Variants in FMN1 observed in about 807,000 individuals in gnomAD.
The protein encoded by FMN1 is formin 1.
A neutral mutation model predicts 132.4 loss-of-function variants in FMN1; 110 were observed. The observed-to-expected ratio is 0.83, with a 90% CI of 0.71 to 0.97. The LOEUF (loss-of-function observed/expected upper bound fraction) is 0.97, where lower values mean the gene tolerates loss of function less well. Among genes scored for constraint, FMN1 ranks in the 50% least tolerant of loss-of-function variants. FMN1 has a pLI of 0.00. For missense variants in FMN1, 1,792 were observed against 1,705.3 expected, an observed-to-expected ratio of 1.05 and a Z score of -0.90; for synonymous variants, 722 against 651.7, an observed-to-expected ratio of 1.11 and a Z score of -1.64.
intron 4 of FMN1, among the ~76,000 whole-genome samples, chr15:33,139,413 A>G (rs2468745): frequency 0.85 from 129,028 of 151,930 alleles, 55,646 homozygotes; most frequent in South Asian, 0.93. Context: ...AGGCTAACAC[A>G]GTGAAACCCC....
At chr15:32,843,394 A>G (rs716390) in intron 17 of FMN1, among the ~76,000 whole-genome samples, 32,197 of 152,112 alleles carry the variant, frequency 0.21, 3,594 homozygotes, top group East Asian at 0.44. Context: ...ACTACAAACT[A>G]GAAACCAATG....
chr15:33,091,680 A>C (rs1254754853), intron 4 of FMN1, among the ~76,000 whole-genome samples: 1 of 152,220 alleles, frequency 6.6e-6, no homozygotes, highest in East Asian at 1.9e-4. Context: ...GTATTTATAA[A>C]ATAATTTGGG....
chr15:32,922,543 A>G lies in FMN1; in HGVS notation c.3226+3631T>C, dbSNP rs2060856572. Reference sequence around the variant, plus strand: ...CTGAATGGAGAGTGTAGGCTGTGTTAAGGAGAGCACAGAGAAGTGCTCCTC... The same window carrying G: ...CTGAATGGAGAGTGTAGGCTGTGTTGAGGAGAGCACAGAGAAGTGCTCCTC... On this transcript the variant is annotated intron_variant, in intron 10 of 20. Transcript: ENST00000616417. Among the ~76,000 whole-genome samples, 4 of 152,070 alleles carry G rather than the reference A, an allele frequency of 2.6e-5. No homozygotes were observed. In the South Asian group the frequency reaches 8.3e-4, roughly 32 times the overall value.
intron 4 of FMN1, among the ~76,000 whole-genome samples, chr15:33,108,711 T>C (rs1232155427): frequency 2.0e-5 from 3 of 152,172 alleles, no homozygotes; most frequent in Non-Finnish European, 4.4e-5. Flanking sequence ...CCTCTTTTGA[T>C]GTTCTCACCA....
At chr15:33,092,341 G>A (rs1246888305) in intron 4 of FMN1, among the ~76,000 whole-genome samples, 1 of 152,166 alleles carries the variant, frequency 6.6e-6, no homozygotes, top group Non-Finnish European at 1.5e-5. Flanking sequence ...AGTCTGTCTA[G>A]CAGGGGTACA....
At chr15:32,981,543 A>AATAATAATAATAATTATTATT (rs574939662) in intron 7 of FMN1, among the ~76,000 whole-genome samples, 2 of 138,400 alleles carry the variant, frequency 1.4e-5, no homozygotes, top group African/African-American at 5.4e-5. Context: ...TAATAATAAT[A>AATAATAATAATAATTATTATT]ATTATTATTA....
chr15:33,170,422 T>A (rs1422654867), intron 3 of FMN1, among the ~76,000 whole-genome samples: 1 of 152,112 alleles, frequency 6.6e-6, no homozygotes, highest in Non-Finnish European at 1.5e-5. Flanking sequence ...TGGGACTATG[T>A]TAAACTAGGA....
At chr15:33,107,506 T>TAC (rs1009380418) in intron 4 of FMN1, among the ~76,000 whole-genome samples, 3 of 151,784 alleles carry the variant, frequency 2.0e-5, no homozygotes, top group African/African-American at 4.9e-5. Context: ...ACCTCTCCCT[T>TAC]ACTTCATTCC....
chr15:33,039,566 A>C (rs1021716398), intron 6 of FMN1, among the ~76,000 whole-genome samples: 1 of 151,864 alleles, frequency 6.6e-6, no homozygotes, highest in Non-Finnish European at 1.5e-5. Context: ...GATAAACTAT[A>C]AAAATAATAA....
intron 7 of FMN1, among the ~76,000 whole-genome samples, chr15:33,003,140 C>T (rs1355035139): frequency 6.6e-6 from 1 of 152,148 alleles, no homozygotes; most frequent in Non-Finnish European, 1.5e-5. Context: ...AAAACTGGTA[C>T]AAGACAGGGA....
At chr15:33,054,028 G>A (rs1224210141) in intron 6 of FMN1, among the ~76,000 whole-genome samples, 1 of 152,238 alleles carries the variant, frequency 6.6e-6, no homozygotes, top group East Asian at 1.9e-4. Flanking sequence ...TGAGAGTTGA[G>A]GAGGTGCTAA....
chr15:32,827,075 C>T (rs894725523), intron 17 of FMN1, among the ~76,000 whole-genome samples: 18 of 152,266 alleles, frequency 1.2e-4, no homozygotes, highest in Admixed American at 7.8e-4. Flanking sequence ...TTATAGCTCC[C>T]TTTCATGAAC....
chr15:33,180,911 C>T (rs933582113), intron 2 of FMN1, among the ~76,000 whole-genome samples: 2 of 152,010 alleles, frequency 1.3e-5, no homozygotes, highest in African/African-American at 4.8e-5. Context: ...CTACCACGCT[C>T]AGCTAATTTT....
chr15:33,020,000 G>A (rs533976270), intron 6 of FMN1, among the ~76,000 whole-genome samples: 8 of 152,314 alleles, frequency 5.3e-5, no homozygotes, highest in African/African-American at 9.6e-5. Flanking sequence ...GAGAGCGAGC[G>A]AGGGCTGCCA....
chr15:33,018,773 G>GT (rs1028053809), intron 6 of FMN1, among the ~76,000 whole-genome samples: 1 of 152,280 alleles, frequency 6.6e-6, no homozygotes, highest in Admixed American at 6.5e-5. Context: ...TGTGTTCGGA[G>GT]TTTCTCCCTT....
At chr15:32,878,340 A>G (rs189311113) in intron 16 of FMN1, among the ~76,000 whole-genome samples, 1 of 152,344 alleles carries the variant, frequency 6.6e-6, no homozygotes, top group African/African-American at 2.4e-5. Flanking sequence ...ATTTGATTCC[A>G]AGAGGAATGA....
intron 9 of FMN1, among the ~76,000 whole-genome samples, chr15:32,928,007 A>G (rs1380705626): frequency 6.6e-6 from 1 of 152,236 alleles, no homozygotes; most frequent in African/African-American, 2.4e-5. Flanking sequence ...AGGGACAACA[A>G]TAGTTTGTTC....
chr15:32,819,254 C>T (rs998747240), intron 17 of FMN1, among the ~76,000 whole-genome samples: 3 of 152,160 alleles, frequency 2.0e-5, no homozygotes, highest in Admixed American at 6.5e-5. Flanking sequence ...GGTGGACATA[C>T]GGCTCTCTTA....
chr15:32,767,443 C>A lies in FMN1; in HGVS notation c.*6867G>T. 1 of 152,286 alleles carries A rather than the reference C, an allele frequency of 6.6e-6. No homozygotes were observed. Among genetic ancestry groups the A allele is most frequent in the South Asian group, 2.1e-4 (1 of 4,828 alleles). The allele number at this position is 152,286 out of a possible 1,614,324, so 9.4% of individuals were successfully genotyped here. On this transcript the variant is annotated 3_prime_UTR_variant, in exon 21 of 21. Coordinates refer to ENST00000616417, the MANE Select transcript of FMN1 (RefSeq NM_001277313.2). ...CAGGTTCTAGGCATGCAGGCCAGTG[C>A]TTATTTTCCAGGCCAAAGCACGATC...
Sources: allele counts gnomAD v4.1 joint callset (sites outside exome capture counted in the v4.1 genomes callset), GRCh38; gene constraint gnomAD v4.1.1; transcripts MANE v1.5; gene names NCBI Gene and HGNC (gene_info 2026-07-23, HGNC 2026-07-21).